MCEMP1: variants seen among roughly 807,000 people sequenced by gnomAD.
The protein encoded by MCEMP1 is mast cell-expressed membrane protein 1.
A neutral mutation model predicts 27.9 loss-of-function variants in MCEMP1; 17 were observed. The observed-to-expected ratio is 0.61, with a 90% CI of 0.42 to 0.91. MCEMP1 has a LOEUF of 0.91. Ranked by LOEUF, MCEMP1 falls within the 40% of genes least tolerant of loss-of-function variation. The pLI is 0.00. For missense variants in MCEMP1, 200 were observed against 204.8 expected (o/e 0.98, Z 0.14); for synonymous variants, 88 against 76.9 (o/e 1.14, Z -0.76).
chr19:7,677,603 A>G lies in MCEMP1; in HGVS notation c.56-34A>G, dbSNP rs745714190. Reference sequence around the variant, plus strand: ...AGATCCCGGATCCACTCTCCACACCACAGAGCTCTGAGCAGATCTCCAACC... The same window carrying G: ...AGATCCCGGATCCACTCTCCACACCGCAGAGCTCTGAGCAGATCTCCAACC... On this transcript the variant is annotated intron_variant, in intron 1 of 6. Transcript: ENST00000333598. This position sits in a 1 kb window ranked among gnomAD's most constrained non-coding sequence, Gnocchi z 4.6. The G allele has an allele frequency of 2.6e-6, 4 of 1,565,424 alleles. No homozygotes were observed. Among genetic ancestry groups the G allele is most frequent in the Admixed American group, 3.3e-5 (2 of 59,910 alleles).
At position 7,679,108 on chromosome 19, in the gene MCEMP1, T is replaced by C. The variant is rs2032590215; in HGVS notation, c.519T>C (p.Pro173=). ...EVLQKMPQSS[P]Q ...TCTCCCCATCCCCAGAGTCCTCACC[T>C]CAATAAATGAGAGGACATTGTGGCA... Residue 173 remains proline (P), a synonymous_variant, in exon 7 of 7, where the codon CCT becomes CCC. Transcript: ENST00000333598. This position sits in a 1 kb window ranked among gnomAD's most constrained non-coding sequence, Gnocchi z 4.9. The C allele has an allele frequency of 6.2e-7, 1 of 1,602,742 alleles. No homozygotes were observed. The highest frequency in any genetic ancestry group is 8.5e-7 in the Non-Finnish European group (1 of 1,174,056).
rs2032595434 is a variant in MCEMP1, at chr19:7,679,307, T to A, written c.*193T>A. On this transcript the variant is annotated 3_prime_UTR_variant, in exon 7 of 7. Transcript: ENST00000333598. The surrounding 1 kb of genome is among the most constrained non-coding windows in gnomAD (Gnocchi z 4.9). ...GTGTGTGTACACCTGCGTGCGTGTG[T>A]GTGCGTGTGTGCGCGTGTGTTCGTG... is the stretch of plus-strand genomic sequence containing the variant. The A allele has an allele frequency of 3.0e-6, 2 of 669,778 alleles. No homozygotes were observed. The highest frequency in any genetic ancestry group is 5.1e-6 in the Non-Finnish European group (2 of 395,506). The allele number at this position is 669,778 out of a possible 1,614,324, so 41.5% of individuals were successfully genotyped here.
rs973280122 is a variant in MCEMP1, at chr19:7,679,458, T to C, written c.*344T>C. On this transcript the variant is annotated 3_prime_UTR_variant, in exon 7 of 7. Transcript: ENST00000333598. The surrounding 1 kb of genome is among the most constrained non-coding windows in gnomAD (Gnocchi z 4.9). ...AGTGAATGTGGCATGCATGCCTGTGTCATGTGACATATGTGAGTCTCGGCA... is the reference window on the plus strand; with the variant it reads ...AGTGAATGTGGCATGCATGCCTGTGCCATGTGACATATGTGAGTCTCGGCA... 2.2e-5 allele frequency: 7 copies of C among 323,378 alleles called. No individual in the cohort carries two copies. The Admixed American group carries it at 3.0e-4, about 14-fold the overall frequency. 20.0% of individuals were successfully genotyped at this position (323,378 alleles called of 1,614,324 possible). A position where few individuals can be genotyped will look rare whatever the true frequency, so the allele number is the denominator to read the frequency against.
Position 7,678,124 on chromosome 19 carries a change from C to T in MCEMP1, c.166C>T (p.Pro56Ser). 1.9e-6 allele frequency: 3 copies of T among 1,610,196 alleles called. No homozygotes were observed. The highest frequency in any genetic ancestry group is 2.5e-6 in the Non-Finnish European group (3 of 1,178,232). The change falls in exon 3 of 7, where the codon CCC becomes TCC. Residue 56 changes from proline to serine, a missense_variant. Pro to Ser is a moderately conservative substitution (Grantham distance 74). Coordinates refer to ENST00000333598, the MANE Select transcript of MCEMP1 (RefSeq NM_174918.3). This position sits in a 1 kb window ranked among gnomAD's most constrained non-coding sequence, Gnocchi z 4.8. Reference protein sequence around the residue: ...TSQVPAQCRPPSDSTQVPCWL... With the variant: ...TSQVPAQCRPSSDSTQVPCWL... ...TCCAGTCCCAGCCCAGTGCAGGCCG[C>T]CCTCAGACTCCACCCAGGTCCCCTG... is the stretch of plus-strand genomic sequence containing the variant.
rs2032588746 is a variant in MCEMP1, at chr19:7,679,037, AG to A, written c.508+55del. On this transcript the variant is annotated intron_variant, in intron 6 of 6. Transcript: ENST00000333598. The surrounding 1 kb of genome is among the most constrained non-coding windows in gnomAD (Gnocchi z 4.9). ...GGAGGGTGGGTGGGGCTTCAGATTT[AG>A]CCCCAGCTCCTCTCCCAGGGGCGGG... The A allele has an allele frequency of 6.2e-7, 1 of 1,604,032 alleles. No homozygotes were observed. Among genetic ancestry groups the A allele is most frequent in the South Asian group, 1.1e-5 (1 of 89,522 alleles).
At position 7,677,959 on chromosome 19, in the gene MCEMP1, GT is replaced by G. The variant is rs1469009810; in HGVS notation, c.146-143del. On this transcript the variant is annotated intron_variant, in intron 2 of 6. Coordinates refer to ENST00000333598, the MANE Select transcript of MCEMP1 (RefSeq NM_174918.3). This position sits in a 1 kb window ranked among gnomAD's most constrained non-coding sequence, Gnocchi z 4.6. ...GCTGAGGGTGGCTGGTGGTGGCAGTGTTGTTGACGATGATGACAAGCTGCAT... is the reference window on the plus strand; with the variant it reads ...GCTGAGGGTGGCTGGTGGTGGCAGTGTGTTGACGATGATGACAAGCTGCAT... The G allele has an allele frequency of 1.5e-6, 2 of 1,301,788 alleles. No homozygotes were observed. Among genetic ancestry groups the G allele is most frequent in the Non-Finnish European group, 2.1e-6 (2 of 947,108 alleles). The allele number at this position is 1,301,788 out of a possible 1,614,324, so 80.6% of individuals were successfully genotyped here.
Position 7,678,946 on chromosome 19 carries a change from G to T in MCEMP1, c.471G>T (p.Lys157Asn), listed in dbSNP as rs780663603. ...TAGGCATAAAAAACATTGACACAAA[G>T]GTACAGAAAATCTTGGAGGTGCTGC... Reference protein sequence around the residue: ...TLAGIKNIDTKVQKILEVLQK... With the variant: ...TLAGIKNIDTNVQKILEVLQK... Residue 157 changes from lysine (K) to asparagine (N), a missense_variant, in exon 6 of 7, where the codon AAG becomes AAT. Transcript: ENST00000333598. The surrounding 1 kb of genome is among the most constrained non-coding windows in gnomAD (Gnocchi z 4.8). The T allele has an allele frequency of 3.5e-6, 5 of 1,434,140 alleles. No individual in the cohort carries two copies. The highest frequency in any genetic ancestry group is 1.9e-4 in the Middle Eastern group (1 of 5,174). The allele number at this position is 1,434,140 out of a possible 1,614,324, so 88.8% of individuals were successfully genotyped here. A position where few individuals can be genotyped will look rare whatever the true frequency, so the allele number is the denominator to read the frequency against.
rs1410226459 is a variant in MCEMP1, at chr19:7,677,943, G to A, written c.146-161G>A. ...GTGACGGTGTTAGATCGCTGAGGGT[G>A]GCTGGTGGTGGCAGTGTTGTTGACG... On this transcript the variant is annotated intron_variant, in intron 2 of 6. Coordinates refer to ENST00000333598, the MANE Select transcript of MCEMP1 (RefSeq NM_174918.3). This position sits in a 1 kb window ranked among gnomAD's most constrained non-coding sequence, Gnocchi z 4.6. The A allele has an allele frequency of 9.4e-6, 11 of 1,173,704 alleles. No homozygotes were observed. The highest frequency in any genetic ancestry group is 1.2e-5 in the Non-Finnish European group (10 of 830,334). 72.7% of individuals were successfully genotyped at this position (1,173,704 alleles called of 1,614,324 possible). A position where few individuals can be genotyped will look rare whatever the true frequency, so the allele number is the denominator to read the frequency against.
rs2032571063 is a variant in MCEMP1, at chr19:7,677,911, T to C, written c.145+185T>C. 9.5e-7 allele frequency: 1 copy of C among 1,056,588 alleles called. No individual in the cohort carries two copies. The highest frequency in any genetic ancestry group is 1.6e-5 in the African/African-American group (1 of 62,710). 65.5% of individuals were successfully genotyped at this position (1,056,588 alleles called of 1,614,324 possible). On this transcript the variant is annotated intron_variant, in intron 2 of 6. Transcript: ENST00000333598. This position sits in a 1 kb window ranked among gnomAD's most constrained non-coding sequence, Gnocchi z 4.6. The stretch of plus-strand genomic sequence containing the variant: ...GTTGGGGAATGCTGGAGAGGGGGTC[T>C]GTGATGGTGACGGTGTTAGATCGCT...
chr19:7,678,504 A>G lies in MCEMP1; in HGVS notation c.348A>G (p.Val116=). The G allele has an allele frequency of 6.2e-7, 1 of 1,614,114 alleles. No individual in the cohort carries two copies. Among genetic ancestry groups the G allele is most frequent in the Non-Finnish European group, 8.5e-7 (1 of 1,180,004 alleles). Residue 116 remains valine (V), a synonymous_variant, in exon 5 of 7, where the codon GTA becomes GTG. Transcript: ENST00000333598. This position sits in a 1 kb window ranked among gnomAD's most constrained non-coding sequence, Gnocchi z 4.8. ...TCATGCCCTCAGTCTCAAACTCCGTACAAGCATGCGAAGAGAGACAGAAGA... is the reference window on the plus strand; with the variant it reads ...TCATGCCCTCAGTCTCAAACTCCGTGCAAGCATGCGAAGAGAGACAGAAGA... The part of the protein sequence containing the change: ...KRELWNVSNS[V]QACEERQKRG...
rs1220662408 is a variant in MCEMP1 at position 7,679,065 on chromosome 19, T to C, written c.509-33T>C. The C allele has an allele frequency of 1.9e-6, 3 of 1,607,844 alleles. No homozygotes were observed. The highest frequency in any genetic ancestry group is 1.3e-5 in the African/African-American group (1 of 74,786). On this transcript the variant is annotated intron_variant, in intron 6 of 6. Transcript: ENST00000333598. This position sits in a 1 kb window ranked among gnomAD's most constrained non-coding sequence, Gnocchi z 4.9. The stretch of plus-strand genomic sequence containing the variant: ...CCCAGCTCCTCTCCCAGGGGCGGGA[T>C]CTGCCTCACTGTGGGTCTCTCCCCA...
Position 7,679,215 on chromosome 19 carries a change from C to G in MCEMP1, c.*101C>G, listed in dbSNP as rs975383304. On this transcript the variant is annotated 3_prime_UTR_variant, in exon 7 of 7. Coordinates refer to ENST00000333598, the MANE Select transcript of MCEMP1 (RefSeq NM_174918.3). This position sits in a 1 kb window ranked among gnomAD's most constrained non-coding sequence, Gnocchi z 4.9. The stretch of plus-strand genomic sequence containing the variant: ...CCCCCCCCCCCCAGCCTAGTGTGAA[C>G]CTGCCCCTCGTCCCACGTATAGAAA... 12 of 1,344,380 alleles carry G rather than the reference C, an allele frequency of 8.9e-6. No individual in the cohort carries two copies. The African/African-American group carries it at 1.8e-4, about 20-fold the overall frequency. 83.3% of individuals were successfully genotyped at this position (1,344,380 alleles called of 1,614,324 possible). A position where few individuals can be genotyped will look rare whatever the true frequency, so the allele number is the denominator to read the frequency against.
Position 7,677,988 on chromosome 19 carries a change from C to A in MCEMP1, c.146-116C>A. ...TTGACGATGATGACAAGCTGCATGA[C>A]CACAGCTGCTGATGGTTTTGAGAGG... On this transcript the variant is annotated intron_variant, in intron 2 of 6. Transcript: ENST00000333598. This position sits in a 1 kb window ranked among gnomAD's most constrained non-coding sequence, Gnocchi z 4.6. 7.0e-7 allele frequency: 1 copy of A among 1,433,804 alleles called. No individual in the cohort carries two copies. Among genetic ancestry groups the A allele is most frequent in the Non-Finnish European group, 9.4e-7 (1 of 1,066,158 alleles). The allele number at this position is 1,433,804 out of a possible 1,614,324, so 88.8% of individuals were successfully genotyped here.
Position 7,678,837 on chromosome 19 carries a change from GGT to G in MCEMP1, c.449-85_449-84del. ...CCCAGGGTGGGTGTGGGGCAGGGGG[GGT>G]GCTTCCAAGGAAGGTGGGGGCTTTG... On this transcript the variant is annotated intron_variant, in intron 5 of 6. Coordinates refer to ENST00000333598, the MANE Select transcript of MCEMP1 (RefSeq NM_174918.3). This position sits in a 1 kb window ranked among gnomAD's most constrained non-coding sequence, Gnocchi z 4.8. 1 of 1,354,460 alleles carries G rather than the reference GGT, an allele frequency of 7.4e-7. No homozygotes were observed. The highest frequency in any genetic ancestry group is 1.0e-6 in the Non-Finnish European group (1 of 983,272). 83.9% of individuals were successfully genotyped at this position (1,354,460 alleles called of 1,614,324 possible).
Position 7,677,746 on chromosome 19 carries a change from C to T in MCEMP1, c.145+20C>T. ...GCCAAGGTGAGCAGACACCCACCTG[C>T]TCACATCCCATCACCTTGGGAAGGG... On this transcript the variant is annotated intron_variant, in intron 2 of 6. Transcript: ENST00000333598. The surrounding 1 kb of genome is among the most constrained non-coding windows in gnomAD (Gnocchi z 4.6). 1 of 1,576,508 alleles carries T rather than the reference C, an allele frequency of 6.3e-7. No homozygotes were observed. Among genetic ancestry groups the T allele is most frequent in the Non-Finnish European group, 8.6e-7 (1 of 1,157,972 alleles).
In MCEMP1 at chr19:7,677,763, T is replaced by G. The variant is rs1159795366; in HGVS notation, c.145+37T>G. The G allele has an allele frequency of 6.5e-7, 1 of 1,531,364 alleles. No individual in the cohort carries two copies. Among genetic ancestry groups the G allele is most frequent in the South Asian group, 1.2e-5 (1 of 80,164 alleles). The allele number at this position is 1,531,364 out of a possible 1,614,324, so 94.9% of individuals were successfully genotyped here. On this transcript the variant is annotated intron_variant, in intron 2 of 6. Transcript: ENST00000333598. This position sits in a 1 kb window ranked among gnomAD's most constrained non-coding sequence, Gnocchi z 4.6. ...CCCACCTGCTCACATCCCATCACCT[T>G]GGGAAGGGGCAGGTGGGCGGGCAAC...
Position 7,678,905 on chromosome 19 carries a change from A to AC in MCEMP1, c.449-19_449-18insC. On this transcript the variant is annotated intron_variant, in intron 5 of 6. Transcript: ENST00000333598. This position sits in a 1 kb window ranked among gnomAD's most constrained non-coding sequence, Gnocchi z 4.8. The stretch of plus-strand genomic sequence containing the variant: ...CAGCTTGACTTATCTGTTCCCACCC[A>AC]ACCCTCCCCGCCCCCTAGGCATAAA... The AC allele has an allele frequency of 1.9e-5, 13 of 686,176 alleles. No individual in the cohort carries two copies. Among genetic ancestry groups the AC allele is most frequent in the African/African-American group, 4.1e-5 (2 of 48,848 alleles). 42.5% of individuals were successfully genotyped at this position (686,176 alleles called of 1,614,324 possible).
rs1189746719 is a variant in MCEMP1 at position 7,679,099 on chromosome 19, G to A, written c.510G>A (p.Gln170=). Residue 170 remains glutamine, a splice_region_variant and synonymous_variant, in exon 7 of 7, where the codon CAG becomes CAA. Coordinates refer to ENST00000333598, the MANE Select transcript of MCEMP1 (RefSeq NM_174918.3). The surrounding 1 kb of genome is among the most constrained non-coding windows in gnomAD (Gnocchi z 4.9). The part of the protein sequence containing the change: ...KILEVLQKMP[Q]SSPQ ...CTGTGGGTCTCTCCCCATCCCCAGA[G>A]TCCTCACCTCAATAAATGAGAGGAC... The A allele has an allele frequency of 3.1e-6, 5 of 1,605,754 alleles. No homozygotes were observed. In the African/African-American group the frequency reaches 5.4e-5, roughly 17 times the overall value.
In MCEMP1 at chr19:7,677,674, C is replaced by T. The variant is rs1225337745; in HGVS notation, c.93C>T (p.Ala31=). 3 of 1,613,618 alleles carry T rather than the reference C, an allele frequency of 1.9e-6. No individual in the cohort carries two copies. The Admixed American group carries it at 5.0e-5, about 27-fold the overall frequency. ...CAGACTATGAGAATATCACCTTGGC[C>T]TTCAAAAATCAGGACCATGCAAAGG... ...HDPDYENITL[A]FKNQDHAKGG... is the part of the protein sequence containing the mutation. The change falls in exon 2 of 7, where the codon GCC becomes GCT. Residue 31 remains alanine, a synonymous_variant. Coordinates refer to ENST00000333598, the MANE Select transcript of MCEMP1 (RefSeq NM_174918.3). This position sits in a 1 kb window ranked among gnomAD's most constrained non-coding sequence, Gnocchi z 4.6.
Sources: gnomAD v4.1 joint callset for allele counts on GRCh38, gnomAD v4.1.1 for gene constraint, Gnocchi (gnomAD v3.1) non-coding constraint, MANE v1.5 for transcripts, NCBI Gene and HGNC (gene_info 2026-07-23, HGNC 2026-07-21) for gene names.